IL1RAPL1: variants seen among roughly 807,000 people sequenced by gnomAD.
The protein encoded by IL1RAPL1 is interleukin-1 receptor accessory protein-like 1.
In IL1RAPL1, 3 loss-of-function variants were observed where a neutral mutation model predicts 48.4. That is an observed-to-expected ratio of 0.06 (90% CI 0.03 to 0.16). The LOEUF (loss-of-function observed/expected upper bound fraction) is 0.16, where lower values mean the gene tolerates loss of function less well. IL1RAPL1 is among the 10% of genes least tolerant of loss of function. The pLI, the probability that IL1RAPL1 is intolerant of heterozygous loss-of-function variation, is 1.00. For missense variants in IL1RAPL1, 349 were observed against 530.6 expected, an observed-to-expected ratio of 0.66 and a Z score of 3.36; for synonymous variants, 185 against 187.7, an observed-to-expected ratio of 0.99 and a Z score of 0.12.
chrX:29,138,901 A>G (rs1411291373), intron 2 of IL1RAPL1, among the ~76,000 whole-genome samples: 3 of 111,967 alleles, frequency 2.7e-5, no homozygotes. Context: ...TGAATTATGA[A>G]GGATATATTG....
chrX:29,482,499 TA>T (rs1403852011), intron 5 of IL1RAPL1, among the ~76,000 whole-genome samples: 1 of 112,538 alleles, frequency 8.9e-6, no homozygotes, highest in Admixed American at 9.4e-5. Flanking sequence ...AGTTAGTGTT[TA>T]TTAAATAGAA....
chrX:29,443,227 G>A (rs189302009), intron 5 of IL1RAPL1, among the ~76,000 whole-genome samples: 515 of 40,146 alleles, frequency 0.013, 2 homozygotes, highest in Non-Finnish European at 0.019. Context: ...GTGTGCTCTC[G>A]CTTGCTCTCT....
At chrX:29,521,355 C>T (rs1287994287) in intron 5 of IL1RAPL1, among the ~76,000 whole-genome samples, 1 of 111,817 alleles carries the variant, frequency 8.9e-6, no homozygotes, top group Non-Finnish European at 1.9e-5. Context: ...CATCATTCCC[C>T]CATCCCCCTT....
chrX:29,242,398 C>T (rs748296402), intron 2 of IL1RAPL1, among the ~76,000 whole-genome samples: 1 of 112,129 alleles, frequency 8.9e-6, no homozygotes, highest in South Asian at 3.7e-4. Flanking sequence ...TCCAGTGTTC[C>T]CAATTGTGCT....
At chrX:29,653,399 A>T (rs1394725789) in intron 5 of IL1RAPL1, among the ~76,000 whole-genome samples, 1 of 111,703 alleles carries the variant, frequency 9.0e-6, no homozygotes, top group Non-Finnish European at 1.9e-5. Flanking sequence ...GTGGTGTTCA[A>T]TGCTACTAAG....
At chrX:29,774,437 C>G (rs918885854) in intron 6 of IL1RAPL1, among the ~76,000 whole-genome samples, 13 of 111,619 alleles carry the variant, frequency 1.2e-4, no homozygotes, top group Admixed American at 3.8e-4. Context: ...TTAATATAGA[C>G]TTGGATAACT....
chrX:29,264,786 C>A (rs1260635586), intron 2 of IL1RAPL1, among the ~76,000 whole-genome samples: 3 of 111,300 alleles, frequency 2.7e-5, no homozygotes, highest in African/African-American at 6.5e-5. Flanking sequence ...ATAATCATTG[C>A]ACCACAATTT....
intron 2 of IL1RAPL1, among the ~76,000 whole-genome samples, chrX:29,027,922 T>TG (rs1926521676): frequency 4.8e-5 from 5 of 104,720 alleles, no homozygotes; most frequent in East Asian, 6.0e-4. Context: ...AGATTTCTTT[T>TG]TGTGTGTGTG....
At chrX:28,688,012 G>A (rs748335931) in intron 1 of IL1RAPL1, among the ~76,000 whole-genome samples, 319 of 103,495 alleles carry the variant, frequency 3.1e-3, no homozygotes, top group African/African-American at 0.011. Flanking sequence ...GCTGAGGCAC[G>A]AGAATCACTT....
chrX:29,858,577 C>G (rs994490460), intron 6 of IL1RAPL1, among the ~76,000 whole-genome samples: 1 of 110,805 alleles, frequency 9.0e-6, no homozygotes, highest in African/African-American at 3.3e-5. Flanking sequence ...CAATCTTGGA[C>G]TTTTTGTATT....
At chrX:28,818,790 T>C (rs1936897993) in intron 2 of IL1RAPL1, among the ~76,000 whole-genome samples, 2 of 111,127 alleles carry the variant, frequency 1.8e-5, no homozygotes. Context: ...TTCTGTCTTA[T>C]AATCTGACTG....
chrX:29,575,844 T>A (rs1922756776), intron 5 of IL1RAPL1, among the ~76,000 whole-genome samples: 1 of 111,966 alleles, frequency 8.9e-6, no homozygotes, highest in Non-Finnish European at 1.9e-5. Context: ...ACCTAAACTG[T>A]GTCTCTGAGG....
At chrX:29,595,873 AGATTT>A (rs1923531600) in intron 5 of IL1RAPL1, among the ~76,000 whole-genome samples, 1 of 111,572 alleles carries the variant, frequency 9.0e-6, no homozygotes, top group Non-Finnish European at 1.9e-5. Flanking sequence ...TTTAGGTCTT[AGATTT>A]AAGTCTTTGA....
At chrX:28,982,755 C>T (rs1311958330) in intron 2 of IL1RAPL1, 2 of 111,807 alleles carry the variant, frequency 1.8e-5, no homozygotes, top group Admixed American at 1.9e-4. Context: ...ATCAACCTTA[C>T]TGGTTCTTTG....
At position 29,802,926 on chromosome X, in the gene IL1RAPL1, CAT is replaced by C. The variant is rs200219177; in HGVS notation, c.779-114533_779-114532del. 7.8e-3 allele frequency among the ~76,000 whole-genome samples: 538 copies of C among 68,967 alleles called. 35 individuals are homozygous for C. The highest frequency in any genetic ancestry group is 0.033 in the African/African-American group (513 of 15,748). The allele number at this position is 68,967 out of a possible 115,157, so 59.9% of individuals were successfully genotyped here. ...ATGTGTATATATGTGTACATATATA[CAT>C]ATATGTGTACATATGTATGCATATA... On this transcript the variant is annotated intron_variant, in intron 6 of 10. Transcript: ENST00000378993.
At chrX:29,900,365 C>T (rs1932472505) in intron 6 of IL1RAPL1, among the ~76,000 whole-genome samples, 1 of 111,932 alleles carries the variant, frequency 8.9e-6, no homozygotes, top group African/African-American at 3.2e-5. Context: ...ATAAGAAAAG[C>T]AGGTTTGTGC....
At chrX:28,847,102 C>G (rs764205413) in intron 2 of IL1RAPL1, among the ~76,000 whole-genome samples, 24 of 111,697 alleles carry the variant, frequency 2.1e-4, no homozygotes, top group Non-Finnish European at 4.3e-4. Flanking sequence ...TTCTCCCACA[C>G]CTGACCCTTC....
chrX:29,406,505 C>T (rs1487330304), intron 5 of IL1RAPL1, among the ~76,000 whole-genome samples: 1 of 111,690 alleles, frequency 9.0e-6, no homozygotes, highest in Non-Finnish European at 1.9e-5. Context: ...ATACAGATCT[C>T]ACACTCTACT....
chrX:28,822,033 C>T lies in IL1RAPL1; in HGVS notation c.82+32608C>T, dbSNP rs369015899. On this transcript the variant is annotated intron_variant, in intron 2 of 10. Transcript: ENST00000378993. The stretch of plus-strand genomic sequence containing the variant: ...CCCTGCTTTCCCCTCCCACCATCCA[C>T]TTAGTTTGTTTTGGGGTGATATACG... Among the ~76,000 whole-genome samples the T allele has an allele frequency of 1.4e-4, 15 of 110,412 alleles. No homozygotes were observed. The East Asian group carries it at 4.3e-3, about 32-fold the overall frequency.
Sources: allele counts gnomAD v4.1 joint callset (sites outside exome capture counted in the v4.1 genomes callset), GRCh38; gene constraint gnomAD v4.1.1; transcripts MANE v1.5; gene names NCBI Gene and HGNC (gene_info 2026-07-23, HGNC 2026-07-21).